UBE2O: variants seen among roughly 807,000 people sequenced by gnomAD.
UBE2O encodes ubiquitin conjugating enzyme E2 O.
Under a neutral mutation model 125.8 loss-of-function variants are expected in UBE2O, and 15 were observed. That is an observed-to-expected ratio of 0.12 (90% confidence interval 0.08 to 0.18). The LOEUF (loss-of-function observed/expected upper bound fraction) is 0.18, where lower values mean the gene tolerates loss of function less well. Ranked by LOEUF, UBE2O falls within the 10% of genes least tolerant of loss-of-function variation. UBE2O has a pLI of 1.00. For missense variants in UBE2O, 1,280 were observed against 1,723.6 expected (o/e 0.74, Z 4.56); for synonymous variants, 708 against 703.2 (o/e 1.01, Z -0.11).
chr17:76,448,080 G>C (rs982457625), intron 1 of UBE2O, among the ~76,000 whole-genome samples: 1 of 152,132 alleles, frequency 6.6e-6, no homozygotes, highest in Admixed American at 6.5e-5. Context: ...AGCACCCAAG[G>C]GTTTTGGCTT....
intron 1 of UBE2O, among the ~76,000 whole-genome samples, chr17:76,417,539 C>A (rs1040637662): frequency 6.6e-6 from 1 of 152,182 alleles, no homozygotes; most frequent in Non-Finnish European, 1.5e-5. Flanking sequence ...GGTCAAAATT[C>A]TCTACCCCCT....
intron 1 of UBE2O, among the ~76,000 whole-genome samples, chr17:76,451,412 G>A (rs181884586): frequency 3.5e-4 from 53 of 152,312 alleles, no homozygotes; most frequent in African/African-American, 1.2e-3. Context: ...GGGGAAGCAG[G>A]GTCCTGTGTG....
chr17:76,453,051 C>T lies in UBE2O; in HGVS notation c.91G>A (p.Ala31Thr), dbSNP rs2073285741. The change falls in exon 1 of 18, where the codon GCC becomes ACC. Residue 31 changes from alanine to threonine, a missense_variant. This residue lies in a region of UBE2O where 188 missense variants were observed against 192.5 expected (regional missense o/e 0.98). Transcript: ENST00000319380. ...GCGGGCGCCGGCGCCGGGACGGGGGCTGCGGCTGGGGCCGGGACTGCCTCC... is the reference window on the plus strand; with the variant it reads ...GCGGGCGCCGGCGCCGGGACGGGGGTTGCGGCTGGGGCCGGGACTGCCTCC... ...APEAVPAPAAAPVPAPAPASD... is the reference protein window; with the variant it reads ...APEAVPAPAATPVPAPAPASD... 1.4e-6 allele frequency: 2 copies of T among 1,392,704 alleles called. No homozygotes were observed. Among genetic ancestry groups the T allele is most frequent in the South Asian group, 1.6e-5 (1 of 64,046 alleles). 86.3% of individuals were successfully genotyped at this position (1,392,704 alleles called of 1,614,324 possible).
chr17:76,401,185 C>A (rs999615704), intron 5 of UBE2O, 31 bp from the exon 6 acceptor site: 1 of 1,609,706 alleles, frequency 6.2e-7, no homozygotes, highest in African/African-American at 1.3e-5. Context: ...GGAAAGTCCC[C>A]GTGAGCGGTG....
intron 1 of UBE2O, among the ~76,000 whole-genome samples, chr17:76,408,356 C>T (rs1222793472): frequency 6.6e-6 from 1 of 152,182 alleles, no homozygotes; most frequent in Non-Finnish European, 1.5e-5. Flanking sequence ...TGCTCCACAA[C>T]CCATGAAGCA....
In UBE2O at chr17:76,410,115, T is replaced by C. The variant is rs550787449; in HGVS notation, c.418-4543A>G. On this transcript the variant is annotated intron_variant, in intron 1 of 17. Coordinates refer to ENST00000319380, the MANE Select transcript of UBE2O (RefSeq NM_022066.4). This position sits in a 1 kb window ranked among gnomAD's most constrained non-coding sequence, Gnocchi z 4.0. Reference sequence around the variant, plus strand: ...CAAGGCTTCAAGAAGGCAGAAGGCATGGTGCTGTTATTCAGGCCTTAGAGA... The same window carrying C: ...CAAGGCTTCAAGAAGGCAGAAGGCACGGTGCTGTTATTCAGGCCTTAGAGA... 6.6e-6 allele frequency among the ~76,000 whole-genome samples: 1 copy of C among 152,168 alleles called. No individual in the cohort carries two copies. Among genetic ancestry groups the C allele is most frequent in the East Asian group, 1.9e-4 (1 of 5,158 alleles).
At chr17:76,403,298 C>G (rs144213637) in intron 3 of UBE2O, among the ~76,000 whole-genome samples, 80 of 152,122 alleles carry the variant, frequency 5.3e-4, no homozygotes, top group Non-Finnish European at 6.6e-4. Context: ...GAGACAGGGT[C>G]TTGCTCTATT....
chr17:76,452,640 A>C lies in UBE2O; in HGVS notation c.417+85T>G. ...CCACTGCAGTGGCACCGCTCCGGGC[A>C]GGGCCCTGCACGCCGTCCTTCCCTG... On this transcript the variant is annotated intron_variant, in intron 1 of 17. Coordinates refer to ENST00000319380, the MANE Select transcript of UBE2O (RefSeq NM_022066.4). This position sits in a 1 kb window ranked among gnomAD's most constrained non-coding sequence, Gnocchi z 4.4. The C allele has an allele frequency of 4.9e-6, 6 of 1,222,484 alleles. No individual in the cohort carries two copies. The highest frequency in any genetic ancestry group is 2.4e-5 in the South Asian group (1 of 42,528). The allele number at this position is 1,222,484 out of a possible 1,614,324, so 75.7% of individuals were successfully genotyped here. A position where few individuals can be genotyped will look rare whatever the true frequency, so the allele number is the denominator to read the frequency against.
chr17:76,437,248 A>G (rs1004184450), intron 1 of UBE2O, among the ~76,000 whole-genome samples: 6 of 152,074 alleles, frequency 3.9e-5, no homozygotes, highest in African/African-American at 1.4e-4. Context: ...CAGGAGATCG[A>G]GACCATCCTG....
In UBE2O at chr17:76,399,598, C is replaced by T. The variant is rs760107639; in HGVS notation, c.1479G>A (p.Ser493=). The T allele has an allele frequency of 8.7e-6, 14 of 1,614,038 alleles. No individual in the cohort carries two copies. The African/African-American group carries it at 9.3e-5, about 11-fold the overall frequency. The change falls in exon 9 of 18, where the codon TCG becomes TCA. Residue 493 remains serine, a synonymous_variant. Transcript: ENST00000319380. The surrounding 1 kb of genome is among the most constrained non-coding windows in gnomAD (Gnocchi z 6.9). The part of the protein sequence containing the change: ...EAADDTDDTS[S]VTSSASSTTS... Reference sequence around the variant, plus strand: ...TGGTGGAGCTGGCAGAGGAGGTCACCGAACTGGTGTCGTCCGTGTCATCAG... The same window carrying T: ...TGGTGGAGCTGGCAGAGGAGGTCACTGAACTGGTGTCGTCCGTGTCATCAG...
At chr17:76,411,652 G>A (rs967169586) in intron 1 of UBE2O, among the ~76,000 whole-genome samples, 12 of 152,260 alleles carry the variant, frequency 7.9e-5, no homozygotes, top group African/African-American at 2.6e-4. Flanking sequence ...CAACCCCACC[G>A]CTTCTGGAGG....
intron 1 of UBE2O, among the ~76,000 whole-genome samples, chr17:76,406,206 T>C (rs1266644584): frequency 2.0e-5 from 3 of 152,242 alleles, no homozygotes; most frequent in Non-Finnish European, 4.4e-5. Flanking sequence ...GAGCACCTGA[T>C]TGTCTCTTTA....
At chr17:76,413,737 G>A (rs2072554793) in intron 1 of UBE2O, among the ~76,000 whole-genome samples, 4 of 152,170 alleles carry the variant, frequency 2.6e-5, no homozygotes, top group African/African-American at 9.7e-5. Flanking sequence ...CCTCTCATGA[G>A]AAGCTGGTCT....
intron 1 of UBE2O, among the ~76,000 whole-genome samples, chr17:76,426,176 T>C (rs1436262292): frequency 6.6e-6 from 1 of 152,184 alleles, no homozygotes; most frequent in Non-Finnish European, 1.5e-5. Context: ...CTAATTTTTG[T>C]ATTTTTTTGT....
At chr17:76,449,332 G>A (rs1363295946) in intron 1 of UBE2O, among the ~76,000 whole-genome samples, 3 of 152,218 alleles carry the variant, frequency 2.0e-5, no homozygotes, top group Non-Finnish European at 4.4e-5. Context: ...TCCAGCACTT[G>A]GGGAGGCCAA....
In UBE2O at chr17:76,396,228, G is replaced by A. The variant is rs373582548; in HGVS notation, c.2709C>T (p.Pro903=). ...GCTGGCACAGCACCGGGGTTTCGCT[G>A]GGCCACTCAGCCTTCACAGGTGACT... The part of the protein sequence containing the change: ...EGQSPVKAEW[P]SETPVLCQQC... Residue 903 remains proline, a synonymous_variant, in exon 14 of 18, where the codon CCC becomes CCT. Transcript: ENST00000319380. The surrounding 1 kb of genome is among the most constrained non-coding windows in gnomAD (Gnocchi z 6.7). 1.2e-6 allele frequency: 2 copies of A among 1,614,168 alleles called. No individual in the cohort carries two copies. The highest frequency in any genetic ancestry group is 1.7e-6 in the Non-Finnish European group (2 of 1,180,046).
In UBE2O at chr17:76,404,919, TA is replaced by T. The variant is rs1414397279; in HGVS notation, c.588+286del. Among the ~76,000 whole-genome samples the T allele has an allele frequency of 6.6e-6, 1 of 152,164 alleles. No homozygotes were observed. Among genetic ancestry groups the T allele is most frequent in the Non-Finnish European group, 1.5e-5 (1 of 68,032 alleles). On this transcript the variant is annotated intron_variant, in intron 3 of 17. Transcript: ENST00000319380. The surrounding 1 kb of genome is among the most constrained non-coding windows in gnomAD (Gnocchi z 4.3). Reference sequence around the variant, plus strand: ...AAAAAATAAACTATTTCCAATAATTTATTTTTTTAAAGAAATGTTAGAGGAG... The same window carrying T: ...AAAAAATAAACTATTTCCAATAATTTTTTTTTTAAAGAAATGTTAGAGGAG...
intron 1 of UBE2O, among the ~76,000 whole-genome samples, chr17:76,435,952 C>T (rs959086855): frequency 6.6e-6 from 1 of 152,224 alleles, no homozygotes; most frequent in South Asian, 2.1e-4. Flanking sequence ...ACATCAAATT[C>T]TCATCATCGT....
chr17:76,414,440 G>A (rs1294504839), intron 1 of UBE2O, among the ~76,000 whole-genome samples: 1 of 152,220 alleles, frequency 6.6e-6, no homozygotes, highest in Non-Finnish European at 1.5e-5. Context: ...ACTAAGCTGG[G>A]TGGGGAGACC....
Sources: gnomAD v4.1 joint callset for allele counts (sites outside exome capture counted in the v4.1 genomes callset) on GRCh38, gnomAD v4.1.1 for gene constraint, gnomAD v4.1.1 regional missense constraint, Gnocchi (gnomAD v3.1) non-coding constraint, MANE v1.5 for transcripts, NCBI Gene and HGNC (gene_info 2026-07-23, HGNC 2026-07-21) for gene names.